The following CSMD1 variants were observed in gnomAD, a reference collection of about 807,000 sequenced individuals.
The protein encoded by CSMD1 is CUB and Sushi multiple domains 1, also known as CUB and sushi domain-containing protein 1.
In CSMD1, 213 loss-of-function variants were observed where a neutral mutation model predicts 417.5. That is an observed-to-expected ratio of 0.51 (90% CI 0.46 to 0.57). The LOEUF (loss-of-function observed/expected upper bound fraction) is 0.57, where lower values mean the gene tolerates loss of function less well. CSMD1 is among the 20% of genes least tolerant of loss of function. CSMD1 has a pLI of 0.00. For synonymous variants in CSMD1, 2,862 were observed against 1,736.8 expected, an observed-to-expected ratio of 1.65 and a Z score of -16.11; for missense variants, 6,923 against 4,529.7, an observed-to-expected ratio of 1.53 and a Z score of -15.17.
At chr8:4,481,133 C>T (rs564197854) in intron 2 of CSMD1, among the ~76,000 whole-genome samples, 1 of 152,324 alleles carries the variant, frequency 6.6e-6, no homozygotes, top group Non-Finnish European at 1.5e-5. Flanking sequence ...CATCTCAAGG[C>T]TTGAGAGCCA....
chr8:3,439,309 A>ATATATATATATATCTT, intron 12 of CSMD1, among the ~76,000 whole-genome samples: 1 of 62,482 alleles, frequency 1.6e-5, no homozygotes, highest in Non-Finnish European at 2.9e-5. Flanking sequence ...ATATATATAT[A>ATATATATATATATCTT]TTTTTTTTTT....
chr8:3,307,993 G>A (rs943098300), intron 24 of CSMD1, among the ~76,000 whole-genome samples, 172 bp from the exon 25 acceptor site: 3 of 152,052 alleles, frequency 2.0e-5, no homozygotes, highest in African/African-American at 7.2e-5. Flanking sequence ...CATTACCTCT[G>A]TGGAAAGTCT....
At chr8:3,149,327 G>A (rs1443430508) in intron 40 of CSMD1, among the ~76,000 whole-genome samples, 1 of 152,158 alleles carries the variant, frequency 6.6e-6, no homozygotes, top group African/African-American at 2.4e-5. Context: ...AATGTTTCCA[G>A]TTAGTTTTGA....
chr8:4,017,843 T>C (rs1796597394), intron 4 of CSMD1, among the ~76,000 whole-genome samples: 1 of 152,176 alleles, frequency 6.6e-6, no homozygotes, highest in Admixed American at 6.5e-5. Flanking sequence ...TGGGTGACTG[T>C]ATATCTGGTG....
Position 4,548,093 on chromosome 8 carries a change from G to C in CSMD1, c.302+89249C>G, listed in dbSNP as rs146293991. Among the ~76,000 whole-genome samples, 18 of 152,256 alleles carry C rather than the reference G, an allele frequency of 1.2e-4. No individual in the cohort carries two copies. In the East Asian group the frequency reaches 2.9e-3, roughly 25 times the overall value. On this transcript the variant is annotated intron_variant, in intron 2 of 69. Transcript: ENST00000635120. ...GGCACAGTGTAAAGAAGGAATTACA[G>C]CTTGTTCTCATAGTTTATTTGCTTT...
intron 16 of CSMD1, among the ~76,000 whole-genome samples, chr8:3,397,487 T>C (rs12375250): frequency 0.43 from 64,937 of 152,068 alleles, 14,084 homozygotes; most frequent in Middle Eastern, 0.48. Flanking sequence ...CTGGGCCCCA[T>C]TCTTCCATAA....
intron 3 of CSMD1, among the ~76,000 whole-genome samples, chr8:4,186,276 A>G (rs550279021): frequency 3.5e-4 from 54 of 152,258 alleles, no homozygotes; most frequent in Admixed American, 1.3e-3. Context: ...TAAAATTACA[A>G]GAGAAGGAGG....
chr8:4,388,060 C>T (rs1041970623), intron 3 of CSMD1, among the ~76,000 whole-genome samples: 2 of 152,108 alleles, frequency 1.3e-5, no homozygotes, highest in African/African-American at 4.8e-5. Flanking sequence ...GAATGTCCAC[C>T]TCATTTGGAC....
intron 11 of CSMD1, among the ~76,000 whole-genome samples, chr8:3,485,246 G>T (rs1053429679): frequency 1.3e-5 from 2 of 152,198 alleles, no homozygotes; most frequent in East Asian, 1.9e-4. Flanking sequence ...AACGATTGCA[G>T]TACACAAAGT....
At chr8:3,236,310 A>G (rs988514732) in intron 26 of CSMD1, among the ~76,000 whole-genome samples, 8 of 152,168 alleles carry the variant, frequency 5.3e-5, no homozygotes, top group African/African-American at 1.7e-4. Flanking sequence ...TAAAATTGCC[A>G]TAAACTACTA....
At chr8:4,139,052 G>A (rs945146911) in intron 3 of CSMD1, among the ~76,000 whole-genome samples, 2 of 152,036 alleles carry the variant, frequency 1.3e-5, no homozygotes, top group Non-Finnish European at 2.9e-5. Flanking sequence ...AGACAGACTT[G>A]GGGCCACCAA....
At chr8:3,723,275 C>T (rs1802291321) in intron 6 of CSMD1, among the ~76,000 whole-genome samples, 1 of 152,148 alleles carries the variant, frequency 6.6e-6, no homozygotes, top group Admixed American at 6.5e-5. Context: ...AATTCGAATC[C>T]TCCTCACACT....
chr8:3,970,570 T>C (rs2130074575), intron 5 of CSMD1, among the ~76,000 whole-genome samples: 1 of 152,268 alleles, frequency 6.6e-6, no homozygotes, highest in Non-Finnish European at 1.5e-5. Context: ...GCAACGGAAA[T>C]GTTGTTAAAG....
chr8:4,629,059 G>C (rs1277746067), intron 2 of CSMD1, among the ~76,000 whole-genome samples: 1 of 152,070 alleles, frequency 6.6e-6, no homozygotes, highest in African/African-American at 2.4e-5. Flanking sequence ...TAACTAGTGA[G>C]AGTTATTGAT....
At chr8:2,957,836 G>A (rs1803128377) in intron 62 of CSMD1, 29 bp from the exon 63 acceptor site, 2 of 1,433,372 alleles carry the variant, frequency 1.4e-6, no homozygotes, top group South Asian at 1.2e-5. Context: ...ACTAGCTTCA[G>A]AGGCCAAGGG....
intron 5 of CSMD1, among the ~76,000 whole-genome samples, chr8:3,942,978 C>T (rs1465518845): frequency 6.6e-6 from 1 of 152,014 alleles, no homozygotes; most frequent in African/African-American, 2.4e-5. Context: ...ACAGTTTCAC[C>T]AGTACGTTAC....
At chr8:4,737,454 T>C (rs550577846) in intron 1 of CSMD1, among the ~76,000 whole-genome samples, 2 of 152,106 alleles carry the variant, frequency 1.3e-5, no homozygotes, top group Non-Finnish European at 2.9e-5. Flanking sequence ...AAAATTTACC[T>C]GTTTAACAAA....
At chr8:3,421,822 C>T (rs7357479) in intron 12 of CSMD1, among the ~76,000 whole-genome samples, 12,395 of 152,154 alleles carry the variant, frequency 0.081, 620 homozygotes, top group Middle Eastern at 0.15. Context: ...ATTTTTCGTA[C>T]AGACAGGGTT....
At chr8:4,510,531 C>T (rs956319522) in intron 2 of CSMD1, among the ~76,000 whole-genome samples, 2 of 151,614 alleles carry the variant, frequency 1.3e-5, no homozygotes, top group Non-Finnish European at 2.9e-5. Context: ...TGAGTCTCTT[C>T]CCTACTCAAA....
Sources: gnomAD v4.1 joint callset for allele counts (sites outside exome capture counted in the v4.1 genomes callset) on GRCh38, gnomAD v4.1.1 for gene constraint, MANE v1.5 for transcripts, NCBI Gene and HGNC (gene_info 2026-07-23, HGNC 2026-07-21) for gene names.